The following C8orf34 variants were observed in gnomAD, a reference collection of about 807,000 sequenced individuals.
C8orf34 encodes the protein chromosome 8 open reading frame 34, also known as uncharacterized protein C8orf34.
A neutral mutation model predicts 68.3 loss-of-function variants in C8orf34; 65 were observed. The ratio of observed to expected loss-of-function variants is 0.95; its 90% CI spans 0.78 to 1.17. C8orf34 has a LOEUF of 1.17. Among genes scored for constraint, C8orf34 ranks in the 50% most tolerant of loss-of-function variants. The probability of loss-of-function intolerance (pLI) is 0.00; values close to 1 mark genes in which losing one functional copy is unlikely to be tolerated. For synonymous variants in C8orf34, 244 were observed against 241.2 expected (o/e 1.01, Z -0.11); for missense variants, 664 against 655.4 (o/e 1.01, Z -0.14).
chr8:68,359,140 T>G (rs941830013), intron 1 of C8orf34, among the ~76,000 whole-genome samples: 6 of 152,134 alleles, frequency 3.9e-5, no homozygotes, highest in Non-Finnish European at 5.9e-5. Flanking sequence ...AAAGACAGAG[T>G]GCAAAATTAT....
intron 7 of C8orf34, among the ~76,000 whole-genome samples, chr8:68,621,328 T>C (rs1031614161): frequency 2.0e-5 from 3 of 152,192 alleles, no homozygotes; most frequent in Non-Finnish European, 2.9e-5. Context: ...AAAAACCACA[T>C]GTTGGATCAG....
intron 5 of C8orf34, among the ~76,000 whole-genome samples, chr8:68,503,102 A>G (rs1162074882): frequency 6.6e-6 from 1 of 152,228 alleles, no homozygotes; most frequent in Non-Finnish European, 1.5e-5. Context: ...ATAGATTAAG[A>G]GAAATGTAAT....
intron 4 of C8orf34, among the ~76,000 whole-genome samples, chr8:68,481,130 C>T (rs1293366099): frequency 6.6e-6 from 1 of 151,944 alleles, no homozygotes; most frequent in Non-Finnish European, 1.5e-5. Flanking sequence ...ACGGGGTGCC[C>T]TGTGTCCCAG....
Position 68,564,621 on chromosome 8 carries a change from C to A in C8orf34, c.1105+31472C>A, listed in dbSNP as rs573405095. ...CAGCACAGATCCGGGGTGGCAGCAACTTTCAACCACCTCACTTGTCCTTCC... is the reference window on the plus strand; with the variant it reads ...CAGCACAGATCCGGGGTGGCAGCAAATTTCAACCACCTCACTTGTCCTTCC... On this transcript the variant is annotated intron_variant, in intron 7 of 13. Transcript: ENST00000518698. Among the ~76,000 whole-genome samples the A allele has an allele frequency of 1.8e-4, 27 of 152,294 alleles. No homozygotes were observed. In the South Asian group the frequency reaches 5.6e-3, roughly 32 times the overall value.
intron 7 of C8orf34, among the ~76,000 whole-genome samples, chr8:68,574,936 C>A (rs1816858550): frequency 6.6e-6 from 1 of 151,860 alleles, no homozygotes. Context: ...TTTATAGACA[C>A]TCCCTATTCC....
chr8:68,633,274 G>C (rs1818743854), intron 7 of C8orf34, among the ~76,000 whole-genome samples: 1 of 152,240 alleles, frequency 6.6e-6, no homozygotes, highest in Admixed American at 6.5e-5. Context: ...TCCAATAGAG[G>C]GGAGCACGGA....
At chr8:68,386,046 G>T (rs1381395483) in intron 1 of C8orf34, among the ~76,000 whole-genome samples, 1 of 152,052 alleles carries the variant, frequency 6.6e-6, no homozygotes, top group East Asian at 1.9e-4. Flanking sequence ...CCACAGGCAT[G>T]GCCCACTAGT....
chr8:68,346,006 A>C (rs924988968), intron 1 of C8orf34, among the ~76,000 whole-genome samples: 3 of 152,114 alleles, frequency 2.0e-5, no homozygotes, highest in Admixed American at 2.0e-4. Context: ...ATCTTGCTCC[A>C]CCCTGTCCCC....
chr8:68,802,559 T>C (rs1585906727), intron 12 of C8orf34, among the ~76,000 whole-genome samples: 2 of 152,088 alleles, frequency 1.3e-5, no homozygotes, highest in African/African-American at 4.8e-5. Context: ...AGAGCTGTGG[T>C]GTGATCTCAG....
At chr8:68,631,213 G>C (rs1488835102) in intron 7 of C8orf34, among the ~76,000 whole-genome samples, 4 of 151,868 alleles carry the variant, frequency 2.6e-5, no homozygotes, top group Admixed American at 2.6e-4. Context: ...AGTGAGCCGA[G>C]ATCATGCCAC....
chr8:68,456,332 A>G (rs530626753), intron 3 of C8orf34, among the ~76,000 whole-genome samples: 3 of 152,310 alleles, frequency 2.0e-5, no homozygotes, highest in African/African-American at 7.2e-5. Context: ...TTCTGAAGAA[A>G]AAAGCAACTT....
rs13281033 is a variant in C8orf34, at chr8:68,595,139, T to A, written c.1106-45237T>A. 4.1e-3 allele frequency among the ~76,000 whole-genome samples: 464 copies of A among 114,014 alleles called. 4 individuals carry two copies. Among genetic ancestry groups the A allele is most frequent in the African/African-American group, 0.013 (445 of 33,620 alleles). The allele number at this position is 114,014 out of a possible 152,430, so 74.8% of individuals were successfully genotyped here. A position where few individuals can be genotyped will look rare whatever the true frequency, so the allele number is the denominator to read the frequency against. On this transcript the variant is annotated intron_variant, in intron 7 of 13. Transcript: ENST00000518698. ...AAATGGTAAAAAAAAAAAAAAAAAT[T>A]TTTTTTTTTACAATAATAAACTTTT... is the stretch of plus-strand genomic sequence containing the variant.
At chr8:68,679,323 T>C (rs1307098209) in intron 8 of C8orf34, among the ~76,000 whole-genome samples, 1 of 150,802 alleles carries the variant, frequency 6.6e-6, no homozygotes, top group Admixed American at 6.6e-5. Context: ...ACAAAAGCTA[T>C]TAATAAAATA....
Position 68,531,799 on chromosome 8 carries a change from G to T in C8orf34, c.939-1184G>T, listed in dbSNP as rs143336277. On this transcript the variant is annotated intron_variant, in intron 6 of 13. Transcript: ENST00000518698. ...GAACCAAAAGAGAACTGTGAAAAGG[G>T]TACATAGGAAGGTGGAATGGTTAGG... Among the ~76,000 whole-genome samples, 6 of 152,162 alleles carry T rather than the reference G, an allele frequency of 3.9e-5. No individual in the cohort carries two copies. In the East Asian group the frequency reaches 1.2e-3, roughly 29 times the overall value.
At chr8:68,595,288 A>G (rs1460016455) in intron 7 of C8orf34, among the ~76,000 whole-genome samples, 6 of 151,964 alleles carry the variant, frequency 3.9e-5, no homozygotes. Flanking sequence ...ACAATTGTCA[A>G]TTGATCTTTG....
chr8:68,477,689 T>C (rs992335279), intron 4 of C8orf34, among the ~76,000 whole-genome samples: 5 of 151,776 alleles, frequency 3.3e-5, no homozygotes, highest in African/African-American at 1.2e-4. Context: ...CCATGAGGGC[T>C]CCACCCGTGT....
rs1447767880 is a variant in C8orf34, at chr8:68,400,829, C to T, written c.328-38670C>T. On this transcript the variant is annotated intron_variant, in intron 1 of 13. Transcript: ENST00000518698. Reference sequence around the variant, plus strand: ...GATGCCTTCAGCTTTGTTCTTTTTGCTTAGGATTGCTTTGGCTATTTGGCC... The same window carrying T: ...GATGCCTTCAGCTTTGTTCTTTTTGTTTAGGATTGCTTTGGCTATTTGGCC... Among the ~76,000 whole-genome samples, 10 of 152,096 alleles carry T rather than the reference C, an allele frequency of 6.6e-5. No individual in the cohort carries two copies. The East Asian group carries it at 1.7e-3, about 26-fold the overall frequency.
intron 5 of C8orf34, among the ~76,000 whole-genome samples, chr8:68,501,159 C>T (rs1813754598): frequency 6.6e-6 from 1 of 152,138 alleles, no homozygotes. Flanking sequence ...CGCTGGTTTC[C>T]ATGATCAAGG....
chr8:68,771,330 T>C (rs1328485062), intron 10 of C8orf34, among the ~76,000 whole-genome samples: 1 of 152,196 alleles, frequency 6.6e-6, no homozygotes, highest in Non-Finnish European at 1.5e-5. Context: ...TTCGATCTCT[T>C]CATCAACTAT....
Sources: allele counts gnomAD v4.1 joint callset (sites outside exome capture counted in the v4.1 genomes callset), GRCh38; gene constraint gnomAD v4.1.1; transcripts MANE v1.5; gene names NCBI Gene and HGNC (gene_info 2026-07-23, HGNC 2026-07-21).